FLG: variants seen among roughly 807,000 people sequenced by gnomAD.
FLG encodes the protein filaggrin.
In FLG, 6 loss-of-function variants were observed where a neutral mutation model predicts 3.8. The ratio of observed to expected loss-of-function variants is 1.60; its 90% CI spans 0.87 to 3.15. The LOEUF (loss-of-function observed/expected upper bound fraction) is 3.15, where lower values mean the gene tolerates loss of function less well. Among genes scored for constraint, FLG ranks in the 30% most tolerant of loss-of-function variants. The pLI is 0.00. For missense variants in FLG, 7,595 were observed against 5,050.9 expected, an observed-to-expected ratio of 1.50 and a Z score of -15.27; for synonymous variants, 2,551 against 1,931.6, an observed-to-expected ratio of 1.32 and a Z score of -8.41.
chr1:152,310,904 G>T lies in FLG; in HGVS notation c.3982C>A (p.Gln1328Lys). 1 of 1,614,096 alleles carries T rather than the reference G, an allele frequency of 6.2e-7. No individual in the cohort carries two copies. ...SHGHSADSSR[Q>K]SGTHHTESSS... Reference sequence around the variant, plus strand: ...GACTCTGTGTGATGAGTGCCTGATTGTCTGGAGCTGTCTGCAGAGTGCCCG... The same window carrying T: ...GACTCTGTGTGATGAGTGCCTGATTTTCTGGAGCTGTCTGCAGAGTGCCCG... Residue 1328 changes from glutamine (Q) to lysine (K), a missense_variant, in exon 3 of 3, where the codon CAA (glutamine) becomes AAA (lysine). Transcript: ENST00000368799.
At chr1:152,324,357 A>G (rs1653078470) in intron 1 of FLG, among the ~76,000 whole-genome samples, 1 of 151,908 alleles carries the variant, frequency 6.6e-6, no homozygotes, top group Non-Finnish European at 1.5e-5. Flanking sequence ...GCTCTCTGAC[A>G]TCACCATATA....
rs79466425 is a variant in FLG, at chr1:152,304,527, C to T, written c.10359G>A (p.Ser3453=). The T allele has an allele frequency of 7.4e-4, 1,194 of 1,612,294 alleles. 36 individuals carry two copies. The East Asian group carries it at 0.014, about 19-fold the overall frequency. ...RGRQGSHYEQ[S]VDRSGHSGSH... ...ACCCTGAGTGTCCAGACCTATCTAC[C>T]GATTGCTCGTAGTGGGATCCCTGCC... The change falls in exon 3 of 3, where the codon TCG becomes TCA. Residue 3453 remains serine, a synonymous_variant. Coordinates refer to ENST00000368799, the MANE Select transcript of FLG (RefSeq NM_002016.2).
rs919502310 is a variant in FLG, at chr1:152,302,388, G to T, written c.*312C>A. ...AAAGATTAATTTAGAAATTTGGGGA[G>T]TGTCTAAAACTTAAACTTTCAAAAA... On this transcript the variant is annotated 3_prime_UTR_variant, in exon 3 of 3. Coordinates refer to ENST00000368799, the MANE Select transcript of FLG (RefSeq NM_002016.2). The T allele has an allele frequency of 3.9e-5, 13 of 330,484 alleles. No individual in the cohort carries two copies. Among genetic ancestry groups the T allele is most frequent in the Non-Finnish European group, 1.7e-5 (3 of 180,438 alleles). 20.5% of individuals were successfully genotyped at this position (330,484 alleles called of 1,614,324 possible). A position where few individuals can be genotyped will look rare whatever the true frequency, so the allele number is the denominator to read the frequency against.
In FLG at chr1:152,310,288, C is replaced by T. The variant is rs749729144; in HGVS notation, c.4598G>A (p.Gly1533Glu). 7.4e-6 allele frequency: 12 copies of T among 1,613,776 alleles called. No homozygotes were observed. Among genetic ancestry groups the T allele is most frequent in the Non-Finnish European group, 9.3e-6 (11 of 1,179,978 alleles). ...TPQGRSDASHGQSGPRSASRQ... is the reference protein window; with the variant it reads ...TPQGRSDASHEQSGPRSASRQ... ...GCTTGCACTTCTGGGTCCTGACTGC[C>T]CATGGGAGGCATCAGACCTTCCCTG... The change falls in exon 3 of 3, where the codon GGG becomes GAG. Residue 1533 changes from glycine to glutamate, a missense_variant. By Grantham distance (98) the Gly-to-Glu change is moderately conservative. Transcript: ENST00000368799.
intron 1 of FLG, among the ~76,000 whole-genome samples, chr1:152,324,288 A>G (rs1189425031): frequency 6.6e-6 from 1 of 151,840 alleles, no homozygotes; most frequent in Non-Finnish European, 1.5e-5. Context: ...ACATGCTAAA[A>G]TCTAACATGT....
At chr1:152,319,403 G>C (rs772643870) in intron 1 of FLG, among the ~76,000 whole-genome samples, 2 of 151,114 alleles carry the variant, frequency 1.3e-5, no homozygotes, top group Non-Finnish European at 3.0e-5. Flanking sequence ...TTCAGATTTA[G>C]AGGGAAATAT....
In FLG at chr1:152,307,835, C is replaced by G; in HGVS notation, c.7051G>C (p.Ala2351Pro). The change falls in exon 3 of 3, where the codon GCT becomes CCT. Residue 2351 changes from alanine to proline, a missense_variant. Ala to Pro is a conservative substitution (Grantham distance 27). Coordinates refer to ENST00000368799, the MANE Select transcript of FLG (RefSeq NM_002016.2). The stretch of plus-strand genomic sequence containing the variant: ...CCACTGTCTCTGACTGCAGATGAAG[C>G]TTGTCCGTGCCCAATGCCTGAGTGT... Reference protein sequence around the residue: ...SRHSGIGHGQASSAVRDSGHR... With the variant: ...SRHSGIGHGQPSSAVRDSGHR... 1 of 1,613,402 alleles carries G rather than the reference C, an allele frequency of 6.2e-7. No individual in the cohort carries two copies. The highest frequency in any genetic ancestry group is 8.5e-7 in the Non-Finnish European group (1 of 1,179,896).
At chr1:152,322,967 C>G (rs1297917959) in intron 1 of FLG, among the ~76,000 whole-genome samples, 1 of 151,076 alleles carries the variant, frequency 6.6e-6, no homozygotes, top group Non-Finnish European at 1.5e-5. Flanking sequence ...TACCAGATAG[C>G]AAGGTGTGTT....
Position 152,309,535 on chromosome 1 carries a change from G to A in FLG, c.5351C>T (p.Pro1784Leu). ...GGATCTTTGTCTTCCTCCAGTGCTG[G>A]GCCCTGTGCGTCCATGGGCGGACTC... The part of the protein sequence containing the change: ...QSESAHGRTG[P>L]STGGRQRSRH... The change falls in exon 3 of 3, where the codon CCC (proline) becomes CTC (leucine). Residue 1784 changes from proline to leucine, a missense_variant. Physicochemically the swap from Pro to Leu is moderately conservative, Grantham distance 98. Transcript: ENST00000368799. 2 of 1,613,854 alleles carry A rather than the reference G, an allele frequency of 1.2e-6. No homozygotes were observed. The highest frequency in any genetic ancestry group is 1.7e-6 in the Non-Finnish European group (2 of 1,179,960).
rs772413729 is a variant in FLG at position 152,310,292 on chromosome 1, G to C, written c.4594C>G (p.His1532Asp). ...GCACTTCTGGGTCCTGACTGCCCAT[G>C]GGAGGCATCAGACCTTCCCTGGGGT... ...TTPQGRSDAS[H>D]GQSGPRSASR... is the part of the protein sequence containing the mutation. The change falls in exon 3 of 3, where the codon CAT (histidine) becomes GAT (aspartate). Residue 1532 changes from histidine (H) to aspartate (D), a missense_variant. His to Asp is a moderately conservative substitution (Grantham distance 81, BLOSUM62 -1). Coordinates refer to ENST00000368799, the MANE Select transcript of FLG (RefSeq NM_002016.2). 1.9e-6 allele frequency: 3 copies of C among 1,613,728 alleles called. No individual in the cohort carries two copies. The African/African-American group carries it at 4.0e-5, about 22-fold the overall frequency.
At position 152,311,886 on chromosome 1, in the gene FLG, G is replaced by C. The variant is rs146262932; in HGVS notation, c.3000C>G (p.Asp1000Glu). 140 of 1,614,046 alleles carry C rather than the reference G, an allele frequency of 8.7e-5. No homozygotes were observed. In the African/African-American group the frequency reaches 1.5e-3, roughly 17 times the overall value. Residue 1000 changes from aspartate to glutamate, a missense_variant, in exon 3 of 3, where the codon GAC becomes GAG. Physicochemically the swap from Asp to Glu is conservative, Grantham distance 45. Coordinates refer to ENST00000368799, the MANE Select transcript of FLG (RefSeq NM_002016.2). ...EDRAGHGHSA[D>E]SSRQSGTPHA... ...GAGGAGTTCCTGATTGTCTGGAGCT[G>C]TCTGCAGAGTGCCCGTGACCGGCTC...
rs201961522 is a variant in FLG, at chr1:152,311,735, G to A, written c.3151C>T (p.Arg1051Cys). Residue 1051 changes from arginine to cysteine, a missense_variant, in exon 3 of 3, where the codon CGC becomes TGC. Transcript: ENST00000368799. The stretch of plus-strand genomic sequence containing the variant: ...CTGACTGCAGATGAAGCTTGTCTGC[G>A]CGGAATGCCTGAGTGTCTGGAGCTG... ...ADSSRHSGIP[R>C]RQASSAVRDS... The A allele has an allele frequency of 2.7e-5, 43 of 1,613,938 alleles. No homozygotes were observed. The highest frequency in any genetic ancestry group is 1.6e-4 in the East Asian group (7 of 44,876).
chr1:152,314,490 G>A lies in FLG; in HGVS notation c.396C>T (p.Asn132=), dbSNP rs1382725650. Residue 132 remains asparagine (N), a synonymous_variant, in exon 3 of 3, where the codon AAC becomes AAT. Coordinates refer to ENST00000368799, the MANE Select transcript of FLG (RefSeq NM_002016.2). ...RKRPSSLERR[N]NRKGNKGRSK... ...ATCTTCCCTTATTCCCTTTTCTATT[G>A]TTTCTTCTTTCCAGACTTGAGGGTC... 1 of 1,611,474 alleles carries A rather than the reference G, an allele frequency of 6.2e-7. No individual in the cohort carries two copies. The highest frequency in any genetic ancestry group is 1.1e-5 in the South Asian group (1 of 90,948).
Position 152,307,907 on chromosome 1 carries a change from C to T in FLG, c.6979G>A (p.Gly2327Arg), listed in dbSNP as rs780626114. The T allele has an allele frequency of 3.1e-6, 5 of 1,613,512 alleles. No homozygotes were observed. Among genetic ancestry groups the T allele is most frequent in the Non-Finnish European group, 4.2e-6 (5 of 1,179,802 alleles). ...TGGTGGTGGGATCCGTGTCTCTCTC[C>T]TGCACTTGATCTTGCCTGTTCATGG... ...SSHEQARSSA[G>R]ERHGSHHQQS... is the part of the protein sequence containing the mutation. The change falls in exon 3 of 3, where the codon GGA (glycine) becomes AGA (arginine). Residue 2327 changes from glycine to arginine, a missense_variant. Gly to Arg is a moderately radical substitution (Grantham distance 125, BLOSUM62 -2). Coordinates refer to ENST00000368799, the MANE Select transcript of FLG (RefSeq NM_002016.2).
chr1:152,304,177 T>G lies in FLG; in HGVS notation c.10709A>C (p.Gln3570Pro). 2.5e-6 allele frequency: 4 copies of G among 1,607,908 alleles called. No homozygotes were observed. Among genetic ancestry groups the G allele is most frequent in the Non-Finnish European group, 3.4e-6 (4 of 1,179,140 alleles). ...SRNHRGSAQE[Q>P]SRDGSRHPTS... ...GGGGTGTCTGGAGCCATCTCTTGAC[T>G]GCTCCTGAGCAGATCCACGATGGTT... The change falls in exon 3 of 3, where the codon CAG becomes CCG. Residue 3570 changes from glutamine (Q) to proline (P), a missense_variant. Transcript: ENST00000368799.
At position 152,309,037 on chromosome 1, in the gene FLG, G is replaced by C. The variant is rs200402044; in HGVS notation, c.5849C>G (p.Ser1950Ter). 1.2e-6 allele frequency: 2 copies of C among 1,614,160 alleles called. No individual in the cohort carries two copies. The highest frequency in any genetic ancestry group is 1.7e-6 in the Non-Finnish European group (2 of 1,180,014). ...RNHLGSAWEQSRDGSRHPGSH... is the reference protein window; with the variant it reads ...RNHLGSAWEQ ...CCCAGGGTGTCTGGAGCCATCTCTT[G>C]ACTGCTCCCAAGCAGATCCAAGATG... The change falls in exon 3 of 3, where the codon TCA becomes TGA. Residue 1950 changes from serine to a stop codon, truncating the protein, a stop_gained. Transcript: ENST00000368799. LOFTEE classifies it low-confidence loss of function (END_TRUNC).
intron 1 of FLG, among the ~76,000 whole-genome samples, chr1:152,323,691 T>TA (rs1177549240): frequency 3.3e-5 from 5 of 151,210 alleles, no homozygotes; most frequent in Non-Finnish European, 7.4e-5. Flanking sequence ...TTTTTTTTTT[T>TA]ATGTACTGCT....
chr1:152,308,486 C>G lies in FLG; in HGVS notation c.6400G>C (p.Gly2134Arg). ...DSSRHSASQE[G>R]QDTIRGHPGP... is the part of the protein sequence containing the mutation. ...GGGTGTCCACGAATGGTGTCCTGAC[C>G]CTCTTGGGATGCTGAGTGCCTGGAG... Residue 2134 changes from glycine (G) to arginine (R), a missense_variant, in exon 3 of 3, where the codon GGT (glycine) becomes CGT (arginine). Physicochemically the swap from Gly to Arg is moderately radical, Grantham distance 125 (BLOSUM62 -2). Coordinates refer to ENST00000368799, the MANE Select transcript of FLG (RefSeq NM_002016.2). The G allele has an allele frequency of 6.2e-7, 1 of 1,613,680 alleles. No individual in the cohort carries two copies. Among genetic ancestry groups the G allele is most frequent in the Non-Finnish European group, 8.5e-7 (1 of 1,179,846 alleles).
Position 152,304,764 on chromosome 1 carries a change from G to T in FLG, c.10122C>A (p.Asp3374Glu), listed in dbSNP as rs1280105958. Residue 3374 changes from aspartate to glutamate, a missense_variant, in exon 3 of 3, where the codon GAC becomes GAA. Transcript: ENST00000368799. Reference sequence around the variant, plus strand: ...AACGTCCAGACCTTCCCCCTGACCGGTCACGTGCGGACTCTTGGTGGCTCT... The same window carrying T: ...AACGTCCAGACCTTCCCCCTGACCGTTCACGTGCGGACTCTTGGTGGCTCT... ...HQQSHQESAR[D>E]RSGGRSGRSG... The T allele has an allele frequency of 1.9e-5, 30 of 1,613,646 alleles. No individual in the cohort carries two copies. Among genetic ancestry groups the T allele is most frequent in the Non-Finnish European group, 2.5e-5 (30 of 1,179,906 alleles).
Sources: allele counts gnomAD v4.1 joint callset (sites outside exome capture counted in the v4.1 genomes callset), GRCh38; gene constraint gnomAD v4.1.1; transcripts MANE v1.5; gene names NCBI Gene and HGNC (gene_info 2026-07-23, HGNC 2026-07-21).